Variants in NRG3 observed in about 807,000 individuals in gnomAD.
NRG3 encodes the protein neuregulin 3.
A neutral mutation model predicts 66.9 loss-of-function variants in NRG3; 31 were observed. The observed-to-expected ratio is 0.46, with a 90% CI of 0.35 to 0.63. The LOEUF (loss-of-function observed/expected upper bound fraction) is 0.63, where lower values mean the gene tolerates loss of function less well. NRG3 is among the 20% of genes least tolerant of loss of function. NRG3 has a pLI of 0.00. For synonymous variants in NRG3, 393 were observed against 359.4 expected, an observed-to-expected ratio of 1.09 and a Z score of -1.06; for missense variants, 910 against 878.9, an observed-to-expected ratio of 1.04 and a Z score of -0.45.
intron 3 of NRG3, among the ~76,000 whole-genome samples, chr10:82,828,905 ACT>A (rs1425252493): frequency 6.6e-6 from 1 of 152,074 alleles, no homozygotes; most frequent in African/African-American, 2.4e-5. Context: ...AGGCATTAAC[ACT>A]CTGTAAAACA....
At chr10:81,926,267 G>A (rs892107711) in intron 1 of NRG3, among the ~76,000 whole-genome samples, 82 of 151,960 alleles carry the variant, frequency 5.4e-4, no homozygotes, top group African/African-American at 1.8e-3. Context: ...ACAGGCACCC[G>A]CAACCATAGC....
At chr10:82,132,288 AT>A (rs1328530185) in intron 1 of NRG3, among the ~76,000 whole-genome samples, 2 of 151,134 alleles carry the variant, frequency 1.3e-5, no homozygotes, top group Non-Finnish European at 2.9e-5. Flanking sequence ...ATCAATGGAA[AT>A]AATCATATGG....
chr10:82,133,035 G>A lies in NRG3; in HGVS notation c.824-225704G>A, dbSNP rs560329695. On this transcript the variant is annotated intron_variant, in intron 1 of 8. Coordinates refer to ENST00000372141, the MANE Select transcript of NRG3 (RefSeq NM_001010848.4). ...ATCAACTTCATTTTGTTGATTTTTTGTATTTTTTATTTCAATTTTATTTAT... is the reference window on the plus strand; with the variant it reads ...ATCAACTTCATTTTGTTGATTTTTTATATTTTTTATTTCAATTTTATTTAT... Among the ~76,000 whole-genome samples, 24 of 151,250 alleles carry A rather than the reference G, an allele frequency of 1.6e-4. No homozygotes were observed. In the South Asian group the frequency reaches 3.6e-3, roughly 22 times the overall value.
Position 82,451,716 on chromosome 10 carries a change from G to A in NRG3, c.953+92848G>A, listed in dbSNP as rs143034674. Among the ~76,000 whole-genome samples, 805 of 152,124 alleles carry A rather than the reference G, an allele frequency of 5.3e-3. 1 individual carries two copies. The highest frequency in any genetic ancestry group is 0.015 in the South Asian group (71 of 4,828). The stretch of plus-strand genomic sequence containing the variant: ...GCCTCTGCTTGTCTATTTTATTCAA[G>A]ATACTGAATACATGATTTCTCATTT... On this transcript the variant is annotated intron_variant, in intron 2 of 8. Coordinates refer to ENST00000372141, the MANE Select transcript of NRG3 (RefSeq NM_001010848.4).
intron 1 of NRG3, among the ~76,000 whole-genome samples, chr10:82,026,542 T>C (rs2062316137): frequency 6.6e-6 from 1 of 152,050 alleles, no homozygotes; most frequent in South Asian, 2.1e-4. Flanking sequence ...AGCAATAATA[T>C]TGGCTGTTAG....
chr10:82,218,671 C>T (rs2075798564), intron 1 of NRG3, among the ~76,000 whole-genome samples: 1 of 152,130 alleles, frequency 6.6e-6, no homozygotes, highest in African/African-American at 2.4e-5. Context: ...TTCATGATCT[C>T]CCCACATATC....
At chr10:82,846,936 T>C (rs952908698) in intron 3 of NRG3, among the ~76,000 whole-genome samples, 1 of 152,200 alleles carries the variant, frequency 6.6e-6, no homozygotes, top group Non-Finnish European at 1.5e-5. Flanking sequence ...GAAAACTCAA[T>C]TAAACCATGG....
chr10:82,681,619 A>G (rs2134124718), intron 2 of NRG3, among the ~76,000 whole-genome samples: 2 of 152,326 alleles, frequency 1.3e-5, no homozygotes. Flanking sequence ...ACATTGACAA[A>G]TGTCATTTGT....
Position 82,322,611 on chromosome 10 carries a change from T to C in NRG3, c.824-36128T>C, listed in dbSNP as rs1006999694. On this transcript the variant is annotated intron_variant, in intron 1 of 8. Coordinates refer to ENST00000372141, the MANE Select transcript of NRG3 (RefSeq NM_001010848.4). ...ATTCAATGGCACATATAACCTTCAT[T>C]GATTTGCTTTCCAGCTCTTTGTGAC... Among the ~76,000 whole-genome samples, 3 of 152,152 alleles carry C rather than the reference T, an allele frequency of 2.0e-5. No individual in the cohort carries two copies. In the East Asian group the frequency reaches 5.8e-4, roughly 29 times the overall value.
At chr10:82,629,692 A>G (rs944674483) in intron 2 of NRG3, among the ~76,000 whole-genome samples, 3 of 152,180 alleles carry the variant, frequency 2.0e-5, no homozygotes, top group Non-Finnish European at 4.4e-5. Flanking sequence ...CAGAGCTTTC[A>G]CATACAGATG....
intron 2 of NRG3, among the ~76,000 whole-genome samples, chr10:82,678,085 C>T (rs968103409): frequency 6.6e-6 from 1 of 152,200 alleles, no homozygotes; most frequent in Non-Finnish European, 1.5e-5. Context: ...CCTCTTAGTG[C>T]TCATGCTTGA....
intron 4 of NRG3, among the ~76,000 whole-genome samples, chr10:82,898,715 CTTTTTT>C (rs765058089): frequency 1.1e-5 from 1 of 89,398 alleles, no homozygotes; most frequent in African/African-American, 4.6e-5. Context: ...GGAGTTTTAC[CTTTTTT>C]TTTTTTTTTT....
rs142738093 is a variant in NRG3 at position 82,798,472 on chromosome 10, T to TA, written c.1027+59823dup. ...TGTCATCTGCTCTATAGTTGTGAGA[T>TA]AGCACAGAGCTAATTTGTAGGTTTA... is the stretch of plus-strand genomic sequence containing the variant. On this transcript the variant is annotated intron_variant, in intron 3 of 8. Transcript: ENST00000372141. Among the ~76,000 whole-genome samples, 11 of 152,190 alleles carry TA rather than the reference T, an allele frequency of 7.2e-5. No individual in the cohort carries two copies. The East Asian group carries it at 2.1e-3, about 29-fold the overall frequency.
intron 2 of NRG3, among the ~76,000 whole-genome samples, chr10:82,611,259 T>G (rs2048295071): frequency 6.6e-6 from 1 of 151,992 alleles, no homozygotes; most frequent in Non-Finnish European, 1.5e-5. Context: ...TATTTTTCAT[T>G]TTTATTTTAT....
At chr10:82,813,211 CTT>C (rs58875697) in intron 3 of NRG3, among the ~76,000 whole-genome samples, 16 of 112,130 alleles carry the variant, frequency 1.4e-4, no homozygotes, top group African/African-American at 3.7e-4. Context: ...CTCTGTTTCT[CTT>C]TTTTTTTTTT....
intron 1 of NRG3, chr10:81,877,543 C>T (rs1841784543): frequency 3.3e-6 from 1 of 303,354 alleles, no homozygotes; most frequent in Non-Finnish European, 5.0e-6. Flanking sequence ...ATGATCTTAC[C>T]CTGGGTGTTA....
intron 1 of NRG3, among the ~76,000 whole-genome samples, chr10:82,306,152 T>G (rs1372037379): frequency 6.6e-6 from 1 of 152,216 alleles, no homozygotes; most frequent in African/African-American, 2.4e-5. Context: ...TAAATAGATC[T>G]TTGATTATTG....
At chr10:82,870,226 A>C (rs1841207040) in intron 4 of NRG3, among the ~76,000 whole-genome samples, 1 of 152,026 alleles carries the variant, frequency 6.6e-6, no homozygotes, top group Non-Finnish European at 1.5e-5. Flanking sequence ...ATATATTTGG[A>C]ATAATACCTT....
chr10:82,968,484 A>T (rs1190437748), intron 6 of NRG3, among the ~76,000 whole-genome samples: 1 of 152,260 alleles, frequency 6.6e-6, no homozygotes, highest in Non-Finnish European at 1.5e-5. Context: ...TTTAGGAAAT[A>T]TCTATCATGA....
Sources: gnomAD v4.1 joint callset for allele counts (sites outside exome capture counted in the v4.1 genomes callset) on GRCh38, gnomAD v4.1.1 for gene constraint, MANE v1.5 for transcripts, NCBI Gene and HGNC (gene_info 2026-07-23, HGNC 2026-07-21) for gene names.